Variants in ZNF451 observed in about 807,000 individuals in gnomAD.
The protein encoded by ZNF451 is E3 SUMO-protein ligase ZNF451.
A neutral mutation model predicts 107.1 loss-of-function variants in ZNF451; 80 were observed. The ratio of observed to expected loss-of-function variants is 0.75; its 90% confidence interval spans 0.62 to 0.90. The LOEUF is 0.90. Among genes scored for constraint, ZNF451 ranks in the 40% least tolerant of loss-of-function variants. The pLI is 0.00. For synonymous variants in ZNF451, 362 were observed against 406.5 expected (o/e 0.89, Z 1.32); for missense variants, 1,107 against 1,236.2 (o/e 0.90, Z 1.57).
At chr6:57,109,236 T>G (rs1402405265) in intron 3 of ZNF451, 1 of 985,344 alleles carries the variant, frequency 1.0e-6, no homozygotes, top group Admixed American at 6.1e-5. Context: ...ATTATGTTAA[T>G]CGTATTGCTT....
At chr6:57,124,969 T>A in intron 4 of ZNF451, 110 bp downstream of exon 4, 1 of 578,706 alleles carries the variant, frequency 1.7e-6, no homozygotes, top group South Asian at 6.5e-5. Flanking sequence ...GCTCAGTATG[T>A]ACCCTAGATA....
chr6:57,146,455 T>C (rs1832067892), intron 9 of ZNF451, among the ~76,000 whole-genome samples: 1 of 152,170 alleles, frequency 6.6e-6, no homozygotes, highest in Non-Finnish European at 1.5e-5. Context: ...TGATGAAAGA[T>C]ATGGGTTCAG....
At chr6:57,097,894 A>C (rs1398501427) in intron 2 of ZNF451, among the ~76,000 whole-genome samples, 1 of 151,772 alleles carries the variant, frequency 6.6e-6, no homozygotes, top group Non-Finnish European at 1.5e-5. Flanking sequence ...CTGAGGTTAA[A>C]AACTTAGAGA....
intron 7 of ZNF451, among the ~76,000 whole-genome samples, chr6:57,137,313 T>A (rs190346507): frequency 6.6e-5 from 10 of 152,348 alleles, no homozygotes; most frequent in African/African-American, 2.4e-4. Context: ...GTCAAATTAT[T>A]CACAATTTGC....
intron 3 of ZNF451, chr6:57,100,784 A>T (rs1416623137): frequency 6.5e-7 from 1 of 1,549,698 alleles, no homozygotes; most frequent in South Asian, 1.2e-5. Flanking sequence ...CAGAAAAATG[A>T]TCAAAATAAT....
chr6:57,099,557 C>CT (rs1321934398), intron 3 of ZNF451: 2 of 714,878 alleles, frequency 2.8e-6, no homozygotes, highest in African/African-American at 3.5e-5. Context: ...TGTAGAGATC[C>CT]TTTTAGGAAT....
At chr6:57,116,836 G>C (rs1397679813) in intron 3 of ZNF451, 1 of 151,326 alleles carries the variant, frequency 6.6e-6, no homozygotes, top group East Asian at 2.0e-4. Flanking sequence ...ATGGTTGCAT[G>C]TACCTATAGG....
chr6:57,148,618 A>C lies in ZNF451; in HGVS notation c.2533A>C (p.Lys845Gln). Reference sequence around the variant, plus strand: ...TGCCTCACATACAGAGAGAAAACTGAAACAGGCAATAAACTATTCAAAAAG... The same window carrying C: ...TGCCTCACATACAGAGAGAAAACTGCAACAGGCAATAAACTATTCAAAAAG... Reference protein sequence around the residue: ...ASASHTERKLKQAINYSKSLD... With the variant: ...ASASHTERKLQQAINYSKSLD... The change falls in exon 10 of 15, where the codon AAA (lysine) becomes CAA (glutamine). Residue 845 changes from lysine (K) to glutamine (Q), a missense_variant. Physicochemically the swap from Lys to Gln is moderately conservative, Grantham distance 53 (BLOSUM62 1). Transcript: ENST00000370706. 1 of 1,614,116 alleles carries C rather than the reference A, an allele frequency of 6.2e-7. No individual in the cohort carries two copies.
At chr6:57,094,974 G>T (rs1300973860) in intron 2 of ZNF451, among the ~76,000 whole-genome samples, 1 of 152,144 alleles carries the variant, frequency 6.6e-6, no homozygotes, top group African/African-American at 2.4e-5. Context: ...TAAGTGAAAT[G>T]TACATTAAAA....
intron 11 of ZNF451, chr6:57,151,199 A>G (rs1832328952): frequency 6.1e-6 from 1 of 165,210 alleles, no homozygotes; most frequent in Non-Finnish European, 1.3e-5. Flanking sequence ...GTCTCTACTA[A>G]AAAGAAAAAA....
chr6:57,153,951 A>C lies in ZNF451; in HGVS notation c.2974A>C (p.Lys992Gln). The change falls in exon 13 of 15, where the codon AAG becomes CAG. Residue 992 changes from lysine to glutamine, a missense_variant. This residue lies in a region of ZNF451 where 151 missense variants were observed against 173.3 expected (regional missense o/e 0.87). Transcript: ENST00000370706. Reference protein sequence around the residue: ...QGFLELENQFKKTQRPAHILN... With the variant: ...QGFLELENQFQKTQRPAHILN... ...TTTTCTGGAGCTAGAGAATCAATTTAAGAAGACTCAGAGGCCAGCTCATAT... is the reference window on the plus strand; with the variant it reads ...TTTTCTGGAGCTAGAGAATCAATTTCAGAAGACTCAGAGGCCAGCTCATAT... 1 of 1,614,200 alleles carries C rather than the reference A, an allele frequency of 6.2e-7. No homozygotes were observed. The highest frequency in any genetic ancestry group is 8.5e-7 in the Non-Finnish European group (1 of 1,180,032).
At chr6:57,114,780 T>G (rs1830284288) in intron 3 of ZNF451, 1 of 152,218 alleles carries the variant, frequency 6.6e-6, no homozygotes, top group Non-Finnish European at 1.5e-5. Flanking sequence ...CTTTGTATAG[T>G]CTTCTTCATT....
intron 3 of ZNF451, among the ~76,000 whole-genome samples, chr6:57,121,421 G>A (rs1830633497): frequency 6.6e-6 from 1 of 152,094 alleles, no homozygotes; most frequent in African/African-American, 2.4e-5. Context: ...AATAATGTTA[G>A]GATTTTGATT....
At chr6:57,152,537 C>T (rs1279520415) in intron 12 of ZNF451, among the ~76,000 whole-genome samples, 186 bp downstream of exon 12, 1 of 152,200 alleles carries the variant, frequency 6.6e-6, no homozygotes, top group African/African-American at 2.4e-5. Context: ...AGCAAACCTT[C>T]AGCTATCCAT....
intron 3 of ZNF451, chr6:57,100,664 G>A: frequency 6.5e-7 from 1 of 1,549,524 alleles, no homozygotes; most frequent in South Asian, 1.2e-5. Flanking sequence ...TGCTCTAGCT[G>A]CAATGTTCCT....
At chr6:57,157,364 T>C (rs1000272908) in intron 13 of ZNF451, among the ~76,000 whole-genome samples, 1 of 152,218 alleles carries the variant, frequency 6.6e-6, no homozygotes, top group Non-Finnish European at 1.5e-5. Flanking sequence ...GAGGTACTTA[T>C]TTCAGTAAAA....
At chr6:57,166,904 G>C (rs1261275689) in intron 14 of ZNF451, among the ~76,000 whole-genome samples, 3 of 152,108 alleles carry the variant, frequency 2.0e-5, no homozygotes, top group Non-Finnish European at 2.9e-5. Flanking sequence ...GTGATCCACT[G>C]TTTACCAAAA....
At position 57,128,749 on chromosome 6, in the gene ZNF451, T is replaced by C. The variant is rs774726212; in HGVS notation, c.333T>C (p.His111=). 11 of 1,610,360 alleles carry C rather than the reference T, an allele frequency of 6.8e-6. No homozygotes were observed. Among genetic ancestry groups the C allele is most frequent in the Non-Finnish European group, 9.3e-6 (11 of 1,178,564 alleles). ...TTCAGGAAAAAATTGATTTTCAGCA[T>C]GCTCATGGGTTACAAGAATTGGAAT... ...RAFREKIDFQ[H]AHGLQELEFI... The change falls in exon 5 of 15, where the codon CAT becomes CAC. Residue 111 remains histidine (H), a synonymous_variant. Coordinates refer to ENST00000370706, the MANE Select transcript of ZNF451 (RefSeq NM_001031623.3).
chr6:57,090,296 C>G, intron 1 of ZNF451, 22 bp downstream of exon 1: 19 of 1,610,136 alleles, frequency 1.2e-5, no homozygotes, highest in African/African-American at 2.7e-5. Context: ...AGTGAGGGTC[C>G]TGGCGTTCTC....
Sources: allele counts gnomAD v4.1 joint callset (sites outside exome capture counted in the v4.1 genomes callset), GRCh38; gene constraint gnomAD v4.1.1; regional missense constraint gnomAD v4.1.1; transcripts MANE v1.5; gene names NCBI Gene and HGNC (gene_info 2026-07-23, HGNC 2026-07-21).